Variants in FBXL17 observed in about 807,000 individuals in gnomAD.
FBXL17 encodes the protein F-box/LRR-repeat protein 17.
Under a neutral mutation model 66.2 loss-of-function variants are expected in FBXL17, and 22 were observed. The observed-to-expected ratio is 0.33, with a 90% CI of 0.24 to 0.47. The LOEUF is 0.47. Among genes scored for constraint, FBXL17 ranks in the 20% least tolerant of loss-of-function variants. The pLI is 1.00. For missense variants in FBXL17, 878 were observed against 948.2 expected (o/e 0.93, Z 0.97); for synonymous variants, 474 against 400.5 (o/e 1.18, Z -2.19).
At chr5:108,183,682 T>C (rs1411263713) in intron 6 of FBXL17, among the ~76,000 whole-genome samples, 2 of 152,096 alleles carry the variant, frequency 1.3e-5, no homozygotes, top group Admixed American at 6.5e-5. Flanking sequence ...ATAGTGCACA[T>C]TGTACCCCAT....
chr5:107,890,113 T>C (rs1423163972), intron 7 of FBXL17, among the ~76,000 whole-genome samples: 1 of 152,198 alleles, frequency 6.6e-6, no homozygotes, highest in East Asian at 1.9e-4. Flanking sequence ...TGATTCTTTT[T>C]TATTCCAGCC....
chr5:108,269,339 T>C (rs1441049293), intron 4 of FBXL17, among the ~76,000 whole-genome samples: 1 of 152,208 alleles, frequency 6.6e-6, no homozygotes, highest in South Asian at 2.1e-4. Context: ...TACACTGTTA[T>C]GCAAGCGTTC....
At chr5:108,242,396 T>C (rs1048348900) in intron 4 of FBXL17, among the ~76,000 whole-genome samples, 6 of 141,688 alleles carry the variant, frequency 4.2e-5, no homozygotes, top group Non-Finnish European at 9.1e-5. Context: ...TTGTTGTTGT[T>C]GTCATTGTAG....
intron 6 of FBXL17, among the ~76,000 whole-genome samples, chr5:108,127,013 C>A (rs1750743531): frequency 6.6e-6 from 1 of 152,020 alleles, no homozygotes; most frequent in South Asian, 2.1e-4. Context: ...ACAATTTCAT[C>A]CAATTCAAAT....
chr5:108,268,984 G>C (rs1757156326), intron 4 of FBXL17, among the ~76,000 whole-genome samples: 1 of 152,046 alleles, frequency 6.6e-6, no homozygotes. Flanking sequence ...TAGACAAAGA[G>C]TAGTAAATTA....
At chr5:107,940,336 C>T (rs1241029108) in intron 7 of FBXL17, among the ~76,000 whole-genome samples, 1 of 152,052 alleles carries the variant, frequency 6.6e-6, no homozygotes, top group East Asian at 1.9e-4. Context: ...AGGCCTGAAT[C>T]CAACTACCAC....
In FBXL17 at chr5:108,381,355, C is replaced by A; in HGVS notation, c.337G>T (p.Ala113Ser). 7.4e-7 allele frequency: 1 copy of A among 1,358,516 alleles called. No homozygotes were observed. Among genetic ancestry groups the A allele is most frequent in the South Asian group, 1.8e-5 (1 of 55,740 alleles). The allele number at this position is 1,358,516 out of a possible 1,614,324, so 84.2% of individuals were successfully genotyped here. Residue 113 changes from alanine (A) to serine (S), a missense_variant, in exon 1 of 9, where the codon GCC (alanine) becomes TCC (serine). By Grantham distance (99) the Ala-to-Ser change is moderately conservative (BLOSUM62 1). Around this residue, in one of 4 missense-constraint regions of FBXL17, gnomAD observed 605 missense variants for 509.5 expected, o/e 1.19. Transcript: ENST00000542267. ...RYAALAAEDC[A>S]AAARRFLLSS... ...AGCAGGAAGCGGCGGGCAGCAGCGGCGCAGTCCTCGGCGGCCAGGGCCGCG... is the reference window on the plus strand; with the variant it reads ...AGCAGGAAGCGGCGGGCAGCAGCGGAGCAGTCCTCGGCGGCCAGGGCCGCG...
intron 7 of FBXL17, among the ~76,000 whole-genome samples, chr5:107,930,662 A>T (rs1000480858): frequency 6.6e-6 from 1 of 152,242 alleles, no homozygotes; most frequent in African/African-American, 2.4e-5. Context: ...ATTAAATGGA[A>T]GAACACAAAA....
At chr5:107,894,213 C>A (rs1276588481) in intron 7 of FBXL17, among the ~76,000 whole-genome samples, 1 of 152,156 alleles carries the variant, frequency 6.6e-6, no homozygotes, top group East Asian at 1.9e-4. Flanking sequence ...TGAAAGATAG[C>A]TAAAGGTGTT....
chr5:108,096,695 C>G (rs912609016), intron 6 of FBXL17, among the ~76,000 whole-genome samples: 2 of 152,096 alleles, frequency 1.3e-5, no homozygotes, highest in Non-Finnish European at 2.9e-5. Context: ...ATACATGCAA[C>G]AAATGTGCCT....
intron 6 of FBXL17, among the ~76,000 whole-genome samples, chr5:108,064,239 C>G (rs1748032375): frequency 6.6e-6 from 1 of 151,978 alleles, no homozygotes. Context: ...CTGAGTTATT[C>G]TGCATAAAGA....
chr5:107,934,522 A>C (rs1230845302), intron 7 of FBXL17, among the ~76,000 whole-genome samples: 1 of 152,118 alleles, frequency 6.6e-6, no homozygotes, highest in Non-Finnish European at 1.5e-5. Flanking sequence ...TTTTCTTTTT[A>C]AAACTAGAAG....
intron 7 of FBXL17, among the ~76,000 whole-genome samples, chr5:107,911,081 T>C (rs187770041): frequency 2.0e-5 from 3 of 152,226 alleles, no homozygotes; most frequent in African/African-American, 7.2e-5. Context: ...AAGAATATTA[T>C]GTGAGAATAA....
rs547466948 is a variant in FBXL17, at chr5:108,255,449, G to T, written c.1507-31221C>A. Among the ~76,000 whole-genome samples the T allele has an allele frequency of 1.3e-5, 2 of 152,196 alleles. 1 individual carries two copies. The highest frequency in any genetic ancestry group is 4.2e-4 in the South Asian group (2 of 4,818). ...AATTCAAAGCTAAATTCATAAAAGA[G>T]GAAGAACAGATAGCAGGCTTTCTTT... On this transcript the variant is annotated intron_variant, in intron 4 of 8. Transcript: ENST00000542267.
intron 4 of FBXL17, among the ~76,000 whole-genome samples, chr5:108,245,164 AT>A (rs1276773832): frequency 1.6e-4 from 25 of 152,304 alleles, no homozygotes; most frequent in African/African-American, 5.3e-4. Context: ...GAACATACCC[AT>A]CCCTGGAAGT....
chr5:108,238,592 C>T (rs1755710473), intron 4 of FBXL17, among the ~76,000 whole-genome samples: 1 of 152,076 alleles, frequency 6.6e-6, no homozygotes, highest in Non-Finnish European at 1.5e-5. Flanking sequence ...CTCACTGCAG[C>T]CTTCACTTCC....
chr5:108,271,832 T>C (rs1757281862), intron 4 of FBXL17, among the ~76,000 whole-genome samples: 1 of 152,176 alleles, frequency 6.6e-6, no homozygotes, highest in African/African-American at 2.4e-5. Flanking sequence ...AAACAGGAAT[T>C]TCTGGCTCCC....
At chr5:108,347,132 C>T (rs534492298) in intron 4 of FBXL17, among the ~76,000 whole-genome samples, 1 of 152,212 alleles carries the variant, frequency 6.6e-6, no homozygotes, top group South Asian at 2.1e-4. Flanking sequence ...GTGTGAACAT[C>T]ACAGAATGTA....
At chr5:108,312,286 C>T (rs1469555929) in intron 4 of FBXL17, among the ~76,000 whole-genome samples, 1 of 152,070 alleles carries the variant, frequency 6.6e-6, no homozygotes, top group African/African-American at 2.4e-5. Context: ...TAGAATGTTG[C>T]TCATTTGTAT....
Sources: allele counts gnomAD v4.1 joint callset (sites outside exome capture counted in the v4.1 genomes callset), GRCh38; gene constraint gnomAD v4.1.1; regional missense constraint gnomAD v4.1.1; transcripts MANE v1.5; gene names NCBI Gene and HGNC (gene_info 2026-07-23, HGNC 2026-07-21).